The following DOCK9 variants were observed in gnomAD, a reference collection of about 807,000 sequenced individuals.
DOCK9 encodes the protein dedicator of cytokinesis 9, also known as dedicator of cytokinesis protein 9.
Under a neutral mutation model 263.3 loss-of-function variants are expected in DOCK9, and 89 were observed. The ratio of observed to expected loss-of-function variants is 0.34; its 90% CI spans 0.28 to 0.40. DOCK9 has a LOEUF of 0.40. Among genes scored for constraint, DOCK9 ranks in the 10% least tolerant of loss-of-function variants. DOCK9 has a pLI of 1.00. For missense variants in DOCK9, 2,140 were observed against 2,603.4 expected, an observed-to-expected ratio of 0.82 and a Z score of 3.87; for synonymous variants, 976 against 973.1, an observed-to-expected ratio of 1.00 and a Z score of -0.06.
chr13:98,888,331 A>G, intron 17 of DOCK9, 29 bp downstream of exon 17: 1 of 1,608,200 alleles, frequency 6.2e-7, no homozygotes, highest in Non-Finnish European at 8.5e-7. Context: ...GTTTGACATC[A>G]AGAATGAAAC....
intron 49 of DOCK9, 96 bp downstream of exon 49, chr13:98,804,903 G>C: frequency 7.4e-7 from 1 of 1,351,438 alleles, no homozygotes; most frequent in Non-Finnish European, 1.0e-6. Flanking sequence ...AACTGAGCTC[G>C]AAAGACCCTT....
At chr13:99,049,860 G>T (rs919572370) in intron 1 of DOCK9, among the ~76,000 whole-genome samples, 13 of 152,292 alleles carry the variant, frequency 8.5e-5, no homozygotes, top group Admixed American at 5.9e-4. Context: ...TGTATTATCA[G>T]ATAATGATCC....
At chr13:99,055,909 G>A (rs138908862) in intron 1 of DOCK9, among the ~76,000 whole-genome samples, 10 of 152,102 alleles carry the variant, frequency 6.6e-5, no homozygotes, top group African/African-American at 2.4e-4. Flanking sequence ...AAGAATCTGG[G>A]ATTTTTTTCA....
chr13:99,037,733 T>A (rs80271794), intron 1 of DOCK9, among the ~76,000 whole-genome samples: 1 of 111,178 alleles, frequency 9.0e-6, no homozygotes, highest in Admixed American at 8.2e-5. Flanking sequence ...ATCAACAAAC[T>A]AACTGACTGA....
chr13:98,835,426 G>T (rs1295303681), intron 39 of DOCK9, among the ~76,000 whole-genome samples: 1 of 152,206 alleles, frequency 6.6e-6, no homozygotes, highest in Non-Finnish European at 1.5e-5. Context: ...ATCCAGTAAT[G>T]CCAGAGAGTG....
intron 1 of DOCK9, chr13:99,015,875 C>T (rs947752827): frequency 3.2e-5 from 26 of 825,380 alleles, no homozygotes; most frequent in Non-Finnish European, 4.0e-5. Flanking sequence ...TTTAAAGTAT[C>T]GTTTTTCTAG....
At chr13:98,953,539 T>C (rs918069887) in intron 2 of DOCK9, among the ~76,000 whole-genome samples, 1 of 152,248 alleles carries the variant, frequency 6.6e-6, no homozygotes, top group African/African-American at 2.4e-5. Context: ...ATAGAATTTT[T>C]CATTCTAGGT....
chr13:98,894,504 A>C (rs1435681468), intron 15 of DOCK9, among the ~76,000 whole-genome samples: 1 of 152,080 alleles, frequency 6.6e-6, no homozygotes, highest in African/African-American at 2.4e-5. Context: ...AGTAATACAG[A>C]TATATTTTTT....
chr13:98,893,308 T>C (rs565814990), intron 15 of DOCK9, among the ~76,000 whole-genome samples: 43 of 152,306 alleles, frequency 2.8e-4, no homozygotes, highest in African/African-American at 9.9e-4. Context: ...CTATCCAACG[T>C]AGTACCATTA....
intron 7 of DOCK9, among the ~76,000 whole-genome samples, chr13:98,917,293 C>T (rs2051041365): frequency 6.6e-6 from 1 of 152,180 alleles, no homozygotes; most frequent in Admixed American, 6.5e-5. Flanking sequence ...TTTAGTTTTG[C>T]TTTAACCTTC....
chr13:98,823,294 A>G (rs1594360029), intron 45 of DOCK9, among the ~76,000 whole-genome samples: 1 of 152,318 alleles, frequency 6.6e-6, no homozygotes, highest in African/African-American at 2.4e-5. Flanking sequence ...ATAGACATTC[A>G]GTAGCAAGAG....
At chr13:99,063,683 C>T (rs868380611) in intron 1 of DOCK9, among the ~76,000 whole-genome samples, 3 of 152,280 alleles carry the variant, frequency 2.0e-5, no homozygotes, top group Middle Eastern at 3.4e-3. Context: ...TTATAAAATA[C>T]AAATAATCTT....
At chr13:98,810,116 T>C (rs2091165254) in intron 46 of DOCK9, 53 bp downstream of exon 46, 4 of 1,610,096 alleles carry the variant, frequency 2.5e-6, no homozygotes, top group African/African-American at 1.3e-5. Context: ...TCTGGGTATA[T>C]GTCACAGCGT....
At chr13:98,976,155 C>T (rs1468072494) in intron 1 of DOCK9, among the ~76,000 whole-genome samples, 1 of 152,162 alleles carries the variant, frequency 6.6e-6, no homozygotes, top group Non-Finnish European at 1.5e-5. Flanking sequence ...TTCCTCACTC[C>T]CTCACCCCTC....
chr13:99,062,305 TAA>T (rs1424821115), intron 1 of DOCK9, among the ~76,000 whole-genome samples: 1 of 152,220 alleles, frequency 6.6e-6, no homozygotes, highest in Admixed American at 6.5e-5. Context: ...AAAACTTGTA[TAA>T]AGTTTACATT....
intron 3 of DOCK9, among the ~76,000 whole-genome samples, chr13:98,926,913 G>A (rs2053065876): frequency 6.6e-6 from 1 of 151,962 alleles, no homozygotes; most frequent in Middle Eastern, 3.4e-3. Flanking sequence ...TCACTTCATC[G>A]TTTCTACTGT....
At chr13:98,932,969 T>C (rs1198570476) in intron 2 of DOCK9, among the ~76,000 whole-genome samples, 1 of 152,148 alleles carries the variant, frequency 6.6e-6, no homozygotes, top group Admixed American at 6.5e-5. Context: ...AGGCGCAATC[T>C]GTACAAAAAG....
intron 50 of DOCK9, among the ~76,000 whole-genome samples, chr13:98,798,783 G>A (rs906894512): frequency 1.3e-5 from 2 of 152,166 alleles, no homozygotes; most frequent in African/African-American, 2.4e-5. Context: ...TACTTTGGTA[G>A]GTATGAGTAT....
chr13:98,937,116 A>G (rs2054989050), intron 2 of DOCK9, among the ~76,000 whole-genome samples: 1 of 152,214 alleles, frequency 6.6e-6, no homozygotes, highest in African/African-American at 2.4e-5. Context: ...GCCCAACATA[A>G]AGGTGGGCAT....
Sources: gnomAD v4.1 joint callset for allele counts (sites outside exome capture counted in the v4.1 genomes callset) on GRCh38, gnomAD v4.1.1 for gene constraint, MANE v1.5 for transcripts, NCBI Gene and HGNC (gene_info 2026-07-23, HGNC 2026-07-21) for gene names.